Variants in TBC1D9B observed in about 807,000 individuals in gnomAD.
The protein encoded by TBC1D9B is TBC1 domain family member 9B.
A neutral mutation model predicts 121.1 loss-of-function variants in TBC1D9B; 87 were observed. The ratio of observed to expected loss-of-function variants is 0.72; its 90% confidence interval spans 0.60 to 0.86. The LOEUF (loss-of-function observed/expected upper bound fraction) is 0.86. Ranked by LOEUF, TBC1D9B falls within the 40% of genes least tolerant of loss-of-function variation. TBC1D9B has a pLI of 0.00. For missense variants in TBC1D9B, 1,540 were observed against 1,628.6 expected (o/e 0.95, Z 0.94); for synonymous variants, 668 against 670.1 (o/e 1.00, Z 0.05).
chr5:179,867,525 G>C (rs401799), intron 18 of TBC1D9B: 1 of 1,555,750 alleles, frequency 6.4e-7, no homozygotes, highest in East Asian at 2.4e-5. Context: ...AGAGGCAGAG[G>C]GGCAGAGTGG....
chr5:179,890,336 A>G lies in TBC1D9B; in HGVS notation c.1044+1043T>C, dbSNP rs1236583024. Among the ~76,000 whole-genome samples the G allele has an allele frequency of 6.6e-6, 1 of 152,134 alleles. No individual in the cohort carries two copies. The highest frequency in any genetic ancestry group is 1.5e-5 in the Non-Finnish European group (1 of 68,016). On this transcript the variant is annotated intron_variant, in intron 6 of 20. Coordinates refer to ENST00000355235, the MANE Select transcript of TBC1D9B (RefSeq NM_015043.4). The surrounding 1 kb of genome is among the most constrained non-coding windows in gnomAD (Gnocchi z 5.0). The stretch of plus-strand genomic sequence containing the variant: ...CCGAGCTCCGCCAGGGCTCTCTACC[A>G]TCTGAGATGTCAAGGGCCCGGCAGG...
At chr5:179,870,999 G>A (rs1006924505) in intron 15 of TBC1D9B, among the ~76,000 whole-genome samples, 3 of 152,192 alleles carry the variant, frequency 2.0e-5, no homozygotes, top group Admixed American at 2.0e-4. Flanking sequence ...AAGCACAAGG[G>A]AAAGAAAAAT....
rs183707239 is a variant in TBC1D9B at position 179,901,153 on chromosome 5, G to C, written c.230-1846C>G. On this transcript the variant is annotated intron_variant, in intron 2 of 20. Transcript: ENST00000355235. ...GCCCACGGGAAAACGATTCCACCCA[G>C]AATCACACAGCTTGCAGTGAGTCAC... 1.7e-3 allele frequency among the ~76,000 whole-genome samples: 261 copies of C among 152,304 alleles called. 4 individuals carry two copies. The highest frequency in any genetic ancestry group is 6.0e-3 in the African/African-American group (249 of 41,570).
Position 179,891,227 on chromosome 5 carries a change from T to A in TBC1D9B, c.1044+152A>T, listed in dbSNP as rs1760851730. On this transcript the variant is annotated intron_variant, in intron 6 of 20. Transcript: ENST00000355235. This position sits in a 1 kb window ranked among gnomAD's most constrained non-coding sequence, Gnocchi z 4.3. ...TCACTTGTCCTACACCCTCCACCTG[T>A]CCCATCACTGAGTGACATGTGACTG... is the stretch of plus-strand genomic sequence containing the variant. 5.9e-6 allele frequency: 5 copies of A among 842,110 alleles called. No homozygotes were observed. In the South Asian group the frequency reaches 8.4e-5, roughly 14 times the overall value. 52.2% of individuals were successfully genotyped at this position (842,110 alleles called of 1,614,324 possible). A position where few individuals can be genotyped will look rare whatever the true frequency, so the allele number is the denominator to read the frequency against.
chr5:179,887,426 G>A (rs964151579), intron 7 of TBC1D9B, among the ~76,000 whole-genome samples: 2 of 152,220 alleles, frequency 1.3e-5, no homozygotes, highest in African/African-American at 2.4e-5. Flanking sequence ...CTTGCTAAAC[G>A]CCTGCAGCGG....
chr5:179,880,081 G>C (rs1336390106), intron 7 of TBC1D9B: 8 of 502,124 alleles, frequency 1.6e-5, no homozygotes, highest in Non-Finnish European at 2.5e-5. Context: ...TTTTCTGAGG[G>C]GGGTCAGTGC....
chr5:179,882,500 C>G (rs1760569488), intron 7 of TBC1D9B, among the ~76,000 whole-genome samples: 1 of 152,184 alleles, frequency 6.6e-6, no homozygotes, highest in Non-Finnish European at 1.5e-5. Flanking sequence ...AGCCTATGGT[C>G]TTTATACCTG....
At position 179,891,484 on chromosome 5, in the gene TBC1D9B, C is replaced by T. The variant is rs759368202; in HGVS notation, c.939G>A (p.Pro313=). ...DGHTSCTLWT[P]FNKLHIPGQM... is the part of the protein sequence containing the mutation. ...GGCCAGGGATGTGCAGCTTGTTGAA[C>T]GGCGTCCACAGGGTGCAGCTTGTGT... The change falls in exon 6 of 21, where the codon CCG becomes CCA. Residue 313 remains proline (P), a synonymous_variant. Coordinates refer to ENST00000355235, the MANE Select transcript of TBC1D9B (RefSeq NM_015043.4). This position sits in a 1 kb window ranked among gnomAD's most constrained non-coding sequence, Gnocchi z 4.3. 1.7e-5 allele frequency: 28 copies of T among 1,614,092 alleles called. No homozygotes were observed. Among genetic ancestry groups the T allele is most frequent in the Admixed American group, 1.0e-4 (6 of 60,010 alleles).
chr5:179,902,427 G>C lies in TBC1D9B; in HGVS notation c.229+2275C>G, dbSNP rs1761189571. Reference sequence around the variant, plus strand: ...GTCAGGACTCACTAAGCAGGTGCTGGCAGGGCCATGTCTGGTCTTGGTGAG... The same window carrying C: ...GTCAGGACTCACTAAGCAGGTGCTGCCAGGGCCATGTCTGGTCTTGGTGAG... On this transcript the variant is annotated intron_variant, in intron 2 of 20. Coordinates refer to ENST00000355235, the MANE Select transcript of TBC1D9B (RefSeq NM_015043.4). The surrounding 1 kb of genome is among the most constrained non-coding windows in gnomAD (Gnocchi z 4.9). Among the ~76,000 whole-genome samples, 1 of 152,194 alleles carries C rather than the reference G, an allele frequency of 6.6e-6. No homozygotes were observed. The highest frequency in any genetic ancestry group is 1.5e-5 in the Non-Finnish European group (1 of 68,032).
rs1759892876 is a variant in TBC1D9B at position 179,863,071 on chromosome 5, T to C, written c.*377A>G. ...CATACCACATAGCTGCAGGAAAGCATCCACGGATGGAGGGACTCAGCTGGC... is the reference window on the plus strand; with the variant it reads ...CATACCACATAGCTGCAGGAAAGCACCCACGGATGGAGGGACTCAGCTGGC... On this transcript the variant is annotated 3_prime_UTR_variant, in exon 21 of 21. Coordinates refer to ENST00000355235, the MANE Select transcript of TBC1D9B (RefSeq NM_015043.4). This position sits in a 1 kb window ranked among gnomAD's most constrained non-coding sequence, Gnocchi z 4.5. 1 of 260,202 alleles carries C rather than the reference T, an allele frequency of 3.8e-6. No individual in the cohort carries two copies. Among genetic ancestry groups the C allele is most frequent in the African/African-American group, 2.2e-5 (1 of 45,608 alleles). 16.1% of individuals were successfully genotyped at this position (260,202 alleles called of 1,614,324 possible).
rs571191896 is a variant in TBC1D9B at position 179,902,960 on chromosome 5, C to G, written c.229+1742G>C. Among the ~76,000 whole-genome samples the G allele has an allele frequency of 4.6e-5, 7 of 152,292 alleles. No homozygotes were observed. Among genetic ancestry groups the G allele is most frequent in the African/African-American group, 1.7e-4 (7 of 41,562 alleles). On this transcript the variant is annotated intron_variant, in intron 2 of 20. Transcript: ENST00000355235. This position sits in a 1 kb window ranked among gnomAD's most constrained non-coding sequence, Gnocchi z 4.9. ...GAAGGGCACTGCTGGTCAGGATGCC[C>G]GTGCAGAGCGCCCACCTGGGAGTGG...
intron 7 of TBC1D9B, among the ~76,000 whole-genome samples, chr5:179,880,637 C>T (rs755328784): frequency 4.6e-5 from 7 of 151,982 alleles, no homozygotes; most frequent in Non-Finnish European, 8.8e-5. Flanking sequence ...GCTTCATGGG[C>T]GTATACCTGT....
chr5:179,880,144 C>T lies in TBC1D9B; in HGVS notation c.1255-355G>A, dbSNP rs536817498. On this transcript the variant is annotated intron_variant, in intron 7 of 20. Transcript: ENST00000355235. The stretch of plus-strand genomic sequence containing the variant: ...GTGGAGGCACACCCCTGCCCACCCT[C>T]GGGCCCATGCTTCCTGGGCTGCACA... 5.9e-5 allele frequency: 17 copies of T among 286,086 alleles called. 1 individual carries two copies. The South Asian group carries it at 8.1e-4, about 14-fold the overall frequency. The allele number at this position is 286,086 out of a possible 1,614,324, so 17.7% of individuals were successfully genotyped here. A position where few individuals can be genotyped will look rare whatever the true frequency, so the allele number is the denominator to read the frequency against.
At position 179,904,721 on chromosome 5, in the gene TBC1D9B, G is replaced by C. The variant is rs1761264225; in HGVS notation, c.210C>G (p.Val70=). ...ACCTACCACACGCCACTGTCCAGTAGACCTGGGAGTCCTGGGTCTGGTGCA... is the reference window on the plus strand; with the variant it reads ...ACCTACCACACGCCACTGTCCAGTACACCTGGGAGTCCTGGGTCTGGTGCA... ...RILHQTQDSQ[V]YWTVACGSSR... is the part of the protein sequence containing the mutation. The change falls in exon 2 of 21, where the codon GTC becomes GTG. Residue 70 remains valine, a synonymous_variant. Transcript: ENST00000355235. The surrounding 1 kb of genome is among the most constrained non-coding windows in gnomAD (Gnocchi z 4.2). 8.3e-6 allele frequency: 13 copies of C among 1,573,610 alleles called. No homozygotes were observed. Among genetic ancestry groups the C allele is most frequent in the Non-Finnish European group, 1.1e-5 (13 of 1,159,682 alleles).
In TBC1D9B at chr5:179,878,359, G is replaced by A. The variant is rs1387964616; in HGVS notation, c.1732C>T (p.Arg578Trp). 4 of 1,613,798 alleles carry A rather than the reference G, an allele frequency of 2.5e-6. No homozygotes were observed. The highest frequency in any genetic ancestry group is 1.3e-5 in the African/African-American group (1 of 74,902). The change falls in exon 10 of 21, where the codon CGG (arginine) becomes TGG (tryptophan). Residue 578 changes from arginine (R) to tryptophan (W), a missense_variant. Physicochemically the swap from Arg to Trp is moderately radical, Grantham distance 101. Transcript: ENST00000355235. ...CGGAAGGCATAGGCAGTCAGCACCCGCCGGAGGGCAGCAATCCCCAGCTCG... is the reference window on the plus strand; with the variant it reads ...CGGAAGGCATAGGCAGTCAGCACCCACCGGAGGGCAGCAATCCCCAGCTCG... ...QNELGIAALR[R>W]VLTAYAFRNP... is the part of the protein sequence containing the mutation.
chr5:179,891,757 C>G lies in TBC1D9B; in HGVS notation c.837-171G>C, dbSNP rs563128334. ...GGACCTCAGAGTTCAATAAAAGATGCATGCTGAGTGAGCAGGCAGAAGGTG... is the reference window on the plus strand; with the variant it reads ...GGACCTCAGAGTTCAATAAAAGATGGATGCTGAGTGAGCAGGCAGAAGGTG... On this transcript the variant is annotated intron_variant, in intron 5 of 20. Coordinates refer to ENST00000355235, the MANE Select transcript of TBC1D9B (RefSeq NM_015043.4). This position sits in a 1 kb window ranked among gnomAD's most constrained non-coding sequence, Gnocchi z 4.3. 1.6e-4 allele frequency among the ~76,000 whole-genome samples: 24 copies of G among 152,298 alleles called. No homozygotes were observed. The highest frequency in any genetic ancestry group is 2.9e-4 in the Non-Finnish European group (20 of 68,014).
At chr5:179,871,386 A>G in intron 15 of TBC1D9B, 76 bp downstream of exon 15, 1 of 1,367,702 alleles carries the variant, frequency 7.3e-7, no homozygotes, top group South Asian at 1.2e-5. Context: ...CTAAGAGGAT[A>G]CTCTTAGATC....
At chr5:179,886,258 A>C (rs1760681249) in intron 7 of TBC1D9B, among the ~76,000 whole-genome samples, 1 of 152,198 alleles carries the variant, frequency 6.6e-6, no homozygotes, top group Non-Finnish European at 1.5e-5. Context: ...ATACAGCTCT[A>C]AGTGAACAGG....
Position 179,875,903 on chromosome 5 carries a change from C to T in TBC1D9B, c.1900+17G>A, listed in dbSNP as rs1760344499. 1.3e-6 allele frequency: 2 copies of T among 1,582,056 alleles called. No individual in the cohort carries two copies. Among genetic ancestry groups the T allele is most frequent in the Non-Finnish European group, 8.6e-7 (1 of 1,163,846 alleles). On this transcript the variant is annotated intron_variant, in intron 11 of 20. Coordinates refer to ENST00000355235, the MANE Select transcript of TBC1D9B (RefSeq NM_015043.4). This position sits in a 1 kb window ranked among gnomAD's most constrained non-coding sequence, Gnocchi z 4.5. Reference sequence around the variant, plus strand: ...GCACCTGGAGACCCAGGCGAGGCAGCACCCGGGGACACTCACCCACCACCC... The same window carrying T: ...GCACCTGGAGACCCAGGCGAGGCAGTACCCGGGGACACTCACCCACCACCC...
Sources: allele counts gnomAD v4.1 joint callset (sites outside exome capture counted in the v4.1 genomes callset), GRCh38; gene constraint gnomAD v4.1.1; non-coding constraint Gnocchi (gnomAD v3.1); transcripts MANE v1.5; gene names NCBI Gene and HGNC (gene_info 2026-07-23, HGNC 2026-07-21).